The following MTMR6 variants were observed in gnomAD, a reference collection of about 807,000 sequenced individuals.
MTMR6 encodes myotubularin related protein 6.
MTMR6 carries 47 observed loss-of-function variants against 80.1 expected under a neutral mutation model. That is an observed-to-expected ratio of 0.59 (90% CI 0.46 to 0.75). MTMR6 has a LOEUF of 0.75. Ranked by LOEUF, MTMR6 falls within the 30% of genes least tolerant of loss-of-function variation. The pLI is 0.00. For synonymous variants in MTMR6, 254 were observed against 253.0 expected, an observed-to-expected ratio of 1.00 and a Z score of -0.04; for missense variants, 629 against 730.9, an observed-to-expected ratio of 0.86 and a Z score of 1.61.
Position 25,261,692 on chromosome 13 carries a change from C to T in MTMR6, c.702G>A (p.Met234Ile), listed in dbSNP as rs1957346227. The T allele has an allele frequency of 6.2e-7, 1 of 1,613,264 alleles. No homozygotes were observed. Among genetic ancestry groups the T allele is most frequent in the East Asian group, 2.2e-5 (1 of 44,828 alleles). ...CTTTTGGCCTGGTATCCATGACGTA[C>T]ATATAGCGATTGACTGGATTGGCTT... ...ISKANPVNRYMYVMDTRPKLN... is the reference protein window; with the variant it reads ...ISKANPVNRYIYVMDTRPKLN... The change falls in exon 6 of 14, where the codon ATG becomes ATA. Residue 234 changes from methionine (M) to isoleucine (I), a missense_variant. Physicochemically the swap from Met to Ile is conservative, Grantham distance 10. Coordinates refer to ENST00000381801, the MANE Select transcript of MTMR6 (RefSeq NM_004685.5).
intron 5 of MTMR6, 137 bp downstream of exon 5, chr13:25,265,682 A>C: frequency 1.0e-6 from 1 of 957,916 alleles, no homozygotes; most frequent in Non-Finnish European, 1.5e-6. Context: ...CAGTGAGCCA[A>C]GATGGTGCCA....
rs756098689 is a variant in MTMR6 at position 25,277,077 on chromosome 13, T to G, written c.25-2890A>C. On this transcript the variant is annotated intron_variant, in intron 1 of 13. Coordinates refer to ENST00000381801, the MANE Select transcript of MTMR6 (RefSeq NM_004685.5). ...TGTGTTTGAGCCGTGTTATACATAC[T>G]GAACGCAAAACTGATTTCCCCTCTC... is the stretch of plus-strand genomic sequence containing the variant. Among the ~76,000 whole-genome samples the G allele has an allele frequency of 7.4e-4, 113 of 152,348 alleles. 1 individual carries two copies. Among genetic ancestry groups the G allele is most frequent in the Non-Finnish European group, 1.4e-3 (95 of 68,028 alleles).
intron 6 of MTMR6, among the ~76,000 whole-genome samples, chr13:25,260,845 C>T (rs1023080498): frequency 6.6e-6 from 1 of 152,122 alleles, no homozygotes; most frequent in African/African-American, 2.4e-5. Flanking sequence ...CCCCATAGCA[C>T]ACAAGATGCC....
intron 1 of MTMR6, among the ~76,000 whole-genome samples, chr13:25,279,892 T>C (rs180802815): frequency 6.6e-6 from 1 of 152,266 alleles, no homozygotes; most frequent in East Asian, 1.9e-4. Flanking sequence ...TTAAAAAAGA[T>C]ACAGAGGTTT....
chr13:25,281,867 G>C (rs1264554151), intron 1 of MTMR6, among the ~76,000 whole-genome samples: 2 of 152,168 alleles, frequency 1.3e-5, no homozygotes, highest in Non-Finnish European at 2.9e-5. Context: ...ATTATCAAAT[G>C]AAACAGTCAT....
chr13:25,275,368 G>GCC (rs1957696081), intron 1 of MTMR6, among the ~76,000 whole-genome samples: 1 of 152,004 alleles, frequency 6.6e-6, no homozygotes, highest in South Asian at 2.1e-4. Flanking sequence ...GTTGCAGTGA[G>GCC]CCAAGATTGT....
At chr13:25,273,220 G>T (rs1957621995) in intron 2 of MTMR6, among the ~76,000 whole-genome samples, 1 of 151,906 alleles carries the variant, frequency 6.6e-6, no homozygotes, top group Admixed American at 6.6e-5. Context: ...CAACCATTTT[G>T]AAGAGGTGAC....
intron 9 of MTMR6, among the ~76,000 whole-genome samples, chr13:25,255,264 T>A (rs1180596612): frequency 6.6e-6 from 1 of 152,256 alleles, no homozygotes; most frequent in Non-Finnish European, 1.5e-5. Context: ...CAGGCTCCAA[T>A]CCCAGCTTCA....
At chr13:25,270,174 T>G (rs1181373734) in intron 2 of MTMR6, among the ~76,000 whole-genome samples, 1 of 152,204 alleles carries the variant, frequency 6.6e-6, no homozygotes, top group Non-Finnish European at 1.5e-5. Flanking sequence ...TACATCACTG[T>G]TCTGATTTTA....
At chr13:25,286,162 G>A (rs1363209020) in intron 1 of MTMR6, among the ~76,000 whole-genome samples, 1 of 152,044 alleles carries the variant, frequency 6.6e-6, no homozygotes, top group African/African-American at 2.4e-5. Flanking sequence ...GATACGGTAT[G>A]CACAATGTTA....
At chr13:25,261,473 C>A (rs1423895776) in intron 6 of MTMR6, among the ~76,000 whole-genome samples, 195 bp downstream of exon 6, 2 of 151,846 alleles carry the variant, frequency 1.3e-5, no homozygotes, top group Non-Finnish European at 2.9e-5. Context: ...AAGAAATCAC[C>A]ATGAGTTACT....
rs1323494607 is a variant in MTMR6, at chr13:25,249,267, T to A, written c.1831A>T (p.Ser611Cys). ...ATTCTTGCCACACCATACTCTAAGC[T>A]GACCACAGCAGGTTCTGATTTAGAA... is the stretch of plus-strand genomic sequence containing the variant. Reference protein sequence around the residue: ...EFSKSEPAVVSLEYGVARMTC With the variant: ...EFSKSEPAVVCLEYGVARMTC Residue 611 changes from serine to cysteine, a missense_variant, in exon 14 of 14, where the codon AGC (serine) becomes TGC (cysteine). Transcript: ENST00000381801. 5.6e-6 allele frequency: 9 copies of A among 1,613,984 alleles called. No individual in the cohort carries two copies. Among genetic ancestry groups the A allele is most frequent in the Non-Finnish European group, 7.6e-6 (9 of 1,179,960 alleles).
intron 1 of MTMR6, among the ~76,000 whole-genome samples, chr13:25,280,217 A>C (rs1026634292): frequency 2.0e-5 from 3 of 152,252 alleles, no homozygotes; most frequent in Non-Finnish European, 4.4e-5. Context: ...GAATGTCTTT[A>C]ATATAACAAA....
intron 7 of MTMR6, 32 bp downstream of exon 7, chr13:25,258,528 A>C: frequency 6.4e-7 from 1 of 1,553,342 alleles, no homozygotes; most frequent in Non-Finnish European, 8.6e-7. Context: ...TCTTTTGGAC[A>C]AGGGTGTCTA....
rs572366130 is a variant in MTMR6 at position 25,251,876 on chromosome 13, T to C, written c.1455A>G (p.Pro485=). The C allele has an allele frequency of 8.7e-6, 14 of 1,608,472 alleles. No individual in the cohort carries two copies. The highest frequency in any genetic ancestry group is 3.4e-5 in the Admixed American group (2 of 58,358). Residue 485 remains proline, a synonymous_variant, in exon 12 of 14, where the codon CCA becomes CCG. Coordinates refer to ENST00000381801, the MANE Select transcript of MTMR6 (RefSeq NM_004685.5). This position sits in a 1 kb window ranked among gnomAD's most constrained non-coding sequence, Gnocchi z 4.1. ...ACTTAAAATTGAAAGATACTGTATTTGGCTCCAAAACTGTAAATCTGTGAG... is the reference window on the plus strand; with the variant it reads ...ACTTAAAATTGAAAGATACTGTATTCGGCTCCAAAACTGTAAATCTGTGAG... ...SESHRFTVLE[P]NTVSFNFKFW...
At chr13:25,267,704 T>A (rs4594103) in intron 3 of MTMR6, 75 bp downstream of exon 3, 1,136,049 of 1,417,362 alleles carry the variant, frequency 0.8, 463,922 homozygotes, top group Non-Finnish European at 0.84. Context: ...ATAACAATAA[T>A]AAAACATTAA....
intron 4 of MTMR6, 62 bp from the exon 5 acceptor site, chr13:25,266,009 TTAAACCTTA>T: frequency 1.3e-6 from 2 of 1,599,026 alleles, no homozygotes; most frequent in Non-Finnish European, 1.7e-6. Context: ...TTAAAAACCT[TTAAACCTTA>T]TTAAATGCAA....
intron 4 of MTMR6, 44 bp downstream of exon 4, chr13:25,266,085 G>A: frequency 6.2e-7 from 1 of 1,606,730 alleles, no homozygotes; most frequent in Non-Finnish European, 8.5e-7. Flanking sequence ...CTAACCCTCT[G>A]GTACTAACAC....
At chr13:25,278,246 T>A (rs1957769766) in intron 1 of MTMR6, among the ~76,000 whole-genome samples, 1 of 152,212 alleles carries the variant, frequency 6.6e-6, no homozygotes, top group Non-Finnish European at 1.5e-5. Flanking sequence ...AGCCTCAGCT[T>A]ATCTATTTCT....
Sources: gnomAD v4.1 joint callset for allele counts (sites outside exome capture counted in the v4.1 genomes callset) on GRCh38, gnomAD v4.1.1 for gene constraint, Gnocchi (gnomAD v3.1) non-coding constraint, MANE v1.5 for transcripts, NCBI Gene and HGNC (gene_info 2026-07-23, HGNC 2026-07-21) for gene names.